LOXHD1: variants seen among roughly 807,000 people sequenced by gnomAD.
The protein encoded by LOXHD1 is lipoxygenase homology PLAT domains 1.
A neutral mutation model predicts 248.2 loss-of-function variants in LOXHD1; 205 were observed. The observed-to-expected ratio is 0.83, with a 90% CI of 0.74 to 0.93. LOXHD1 has a LOEUF of 0.93. Ranked by LOEUF, LOXHD1 falls within the 40% of genes least tolerant of loss-of-function variation. LOXHD1 has a pLI of 0.00. For missense variants in LOXHD1, 2,930 were observed against 2,971.6 expected (o/e 0.99, Z 0.33); for synonymous variants, 1,113 against 1,162.8 (o/e 0.96, Z 0.87).
At chr18:46,494,720 G>A (rs2033716951) in intron 37 of LOXHD1, among the ~76,000 whole-genome samples, 1 of 152,160 alleles carries the variant, frequency 6.6e-6, no homozygotes, top group African/African-American at 2.4e-5. Context: ...GATTGAAATA[G>A]ATGATTTCTG....
intron 15 of LOXHD1, among the ~76,000 whole-genome samples, chr18:46,571,854 C>G (rs1344874746): frequency 6.6e-6 from 1 of 152,222 alleles, no homozygotes; most frequent in Non-Finnish European, 1.5e-5. Flanking sequence ...CTGCTCATCA[C>G]TCTCGTTGAC....
intron 14 of LOXHD1, among the ~76,000 whole-genome samples, chr18:46,575,207 A>G (rs916428480): frequency 2.0e-5 from 3 of 151,760 alleles, no homozygotes; most frequent in Admixed American, 6.6e-5. Flanking sequence ...CCCACCTATC[A>G]AAGGCAAAAG....
At chr18:46,638,234 G>A (rs1392074370) in intron 4 of LOXHD1, among the ~76,000 whole-genome samples, 4 of 152,152 alleles carry the variant, frequency 2.6e-5, no homozygotes, top group Non-Finnish European at 4.4e-5. Flanking sequence ...TCAAGTAATG[G>A]AATTACAAGT....
rs539420332 is a variant in LOXHD1 at position 46,529,072 on chromosome 18, CCCCATGGAGTTCCT to C, written c.4530+91_4530+104del. On this transcript the variant is annotated intron_variant, in intron 29 of 40. Coordinates refer to ENST00000642948, the MANE Select transcript of LOXHD1 (RefSeq NM_001384474.1). ...GAGGCCCAAATGAGTGTGCACAATG[CCCCATGGAGTTCCT>C]GGATGTCCCCAGGAACCAAGAAGAG... The C allele has an allele frequency of 4.6e-4, 629 of 1,376,756 alleles. 5 individuals are homozygous for C. The South Asian group carries it at 6.2e-3, about 14-fold the overall frequency. 85.3% of individuals were successfully genotyped at this position (1,376,756 alleles called of 1,614,324 possible).
chr18:46,534,461 G>T lies in LOXHD1; in HGVS notation c.4096-10C>A, dbSNP rs769258749. 154 of 1,541,242 alleles carry T rather than the reference G, an allele frequency of 1.0e-4. No individual in the cohort carries two copies. Among genetic ancestry groups the T allele is most frequent in the Non-Finnish European group, 1.3e-4 (151 of 1,137,532 alleles). On this transcript the variant is annotated splice_polypyrimidine_tract_variant and intron_variant, in intron 26 of 40. Coordinates refer to ENST00000642948, the MANE Select transcript of LOXHD1 (RefSeq NM_001384474.1). Reference sequence around the variant, plus strand: ...CTCCCACATCTTCTAACTTTGGAAAGGAGATAAGGCACTGAATGTTAGCTG... The same window carrying T: ...CTCCCACATCTTCTAACTTTGGAAATGAGATAAGGCACTGAATGTTAGCTG...
chr18:46,577,358 T>C (rs1049361411), intron 14 of LOXHD1, among the ~76,000 whole-genome samples: 2 of 152,170 alleles, frequency 1.3e-5, no homozygotes, highest in African/African-American at 4.8e-5. Context: ...AAACTTTTGA[T>C]TTAAAAGTTT....
At position 46,560,339 on chromosome 18, in the gene LOXHD1, C is replaced by A. The variant is rs1438762609; in HGVS notation, c.2805G>T (p.Lys935Asn). The change falls in exon 19 of 41, where the codon AAG (lysine) becomes AAT (asparagine). Residue 935 changes from lysine (K) to asparagine (N), a missense_variant. Transcript: ENST00000642948. ...QLLKKERLKA[K>N]LQRKKKKRKG... ...TCCTCTTCTTCTTCTTCCTCTGCAG[C>A]TTGGCCTTCAGCCGCTCCTTCTTGA... 4.5e-6 allele frequency: 7 copies of A among 1,552,284 alleles called. No homozygotes were observed. The highest frequency in any genetic ancestry group is 6.1e-6 in the Non-Finnish European group (7 of 1,147,426).
intron 34 of LOXHD1, among the ~76,000 whole-genome samples, chr18:46,512,770 C>T (rs1329892639): frequency 6.6e-6 from 1 of 152,216 alleles, no homozygotes; most frequent in Admixed American, 6.5e-5. Context: ...ATCTCAGTGC[C>T]TCTACTCTCT....
intron 4 of LOXHD1, among the ~76,000 whole-genome samples, chr18:46,627,496 GA>G (rs978429351): frequency 6.6e-6 from 1 of 152,030 alleles, no homozygotes; most frequent in Admixed American, 6.5e-5. Flanking sequence ...GCAACATGGA[GA>G]AAGTGCTATT....
intron 7 of LOXHD1, chr18:46,601,668 A>C (rs2038342441): frequency 1.5e-6 from 1 of 663,112 alleles, no homozygotes; most frequent in East Asian, 3.0e-5. Flanking sequence ...TTGTGTGTCC[A>C]ATGCATCTGA....
chr18:46,538,854 T>C (rs1422747150), intron 25 of LOXHD1, among the ~76,000 whole-genome samples: 1 of 152,152 alleles, frequency 6.6e-6, no homozygotes, highest in African/African-American at 2.4e-5. Flanking sequence ...CCGTATCCCC[T>C]GCTCCCAGTC....
intron 34 of LOXHD1, 143 bp downstream of exon 34, chr18:46,517,985 GA>G: frequency 9.7e-7 from 1 of 1,028,714 alleles, no homozygotes; most frequent in Non-Finnish European, 1.4e-6. Flanking sequence ...GAAAGGTACT[GA>G]GACAGAATAG....
At chr18:46,498,863 C>T (rs756679777) in intron 37 of LOXHD1, among the ~76,000 whole-genome samples, 1 of 152,132 alleles carries the variant, frequency 6.6e-6, no homozygotes, top group Non-Finnish European at 1.5e-5. Flanking sequence ...ACCCATGACA[C>T]CTACCCTTGG....
In LOXHD1 at chr18:46,559,466, G is replaced by C; in HGVS notation, c.3198C>G (p.Asn1066Lys). 6.4e-7 allele frequency: 1 copy of C among 1,552,078 alleles called. No homozygotes were observed. The highest frequency in any genetic ancestry group is 8.7e-7 in the Non-Finnish European group (1 of 1,147,062). Residue 1066 changes from asparagine (N) to lysine (K), a missense_variant, in exon 20 of 41, where the codon AAC becomes AAG. Coordinates refer to ENST00000642948, the MANE Select transcript of LOXHD1 (RefSeq NM_001384474.1). ...ERPLKKSDKSNKFEQGQTDTF... is the reference protein window; with the variant it reads ...ERPLKKSDKSKKFEQGQTDTF... ...ACCCTACCTGCCCCTGCTCAAATTTGTTGGACTTGTCTGACTTCTTCAGGG... is the reference window on the plus strand; with the variant it reads ...ACCCTACCTGCCCCTGCTCAAATTTCTTGGACTTGTCTGACTTCTTCAGGG...
chr18:46,642,962 T>C (rs1410892456), intron 2 of LOXHD1, among the ~76,000 whole-genome samples: 16 of 152,140 alleles, frequency 1.1e-4, no homozygotes, highest in Non-Finnish European at 2.9e-5. Context: ...AGGAAAATCA[T>C]AGAAGATGTG....
chr18:46,553,685 C>G (rs957275560), intron 21 of LOXHD1, among the ~76,000 whole-genome samples: 4 of 152,146 alleles, frequency 2.6e-5, no homozygotes, highest in South Asian at 2.1e-4. Flanking sequence ...AACTTACATT[C>G]TATTGTGGGG....
intron 18 of LOXHD1, among the ~76,000 whole-genome samples, chr18:46,561,973 G>A (rs1255749550): frequency 1.3e-5 from 2 of 152,166 alleles, no homozygotes; most frequent in African/African-American, 2.4e-5. Context: ...CCAGTAAATT[G>A]GCATCCAGAA....
intron 4 of LOXHD1, among the ~76,000 whole-genome samples, chr18:46,636,210 G>A (rs760552740): frequency 2.0e-5 from 3 of 152,172 alleles, no homozygotes; most frequent in Non-Finnish European, 4.4e-5. Flanking sequence ...TCCTAAAGAT[G>A]CCATTCCCTT....
intron 8 of LOXHD1, among the ~76,000 whole-genome samples, chr18:46,597,682 C>T (rs2038277842): frequency 2.0e-5 from 3 of 152,058 alleles, no homozygotes; most frequent in Admixed American, 2.0e-4. Context: ...TCTCATTTCA[C>T]TCTAAAATCA....
Sources: allele counts gnomAD v4.1 joint callset (sites outside exome capture counted in the v4.1 genomes callset), GRCh38; gene constraint gnomAD v4.1.1; transcripts MANE v1.5; gene names NCBI Gene and HGNC (gene_info 2026-07-23, HGNC 2026-07-21).